The following FCHSD2 variants were observed in gnomAD, a reference collection of about 807,000 sequenced individuals.
FCHSD2 encodes the protein F-BAR and double SH3 domains protein 2.
FCHSD2 carries 38 observed loss-of-function variants against 108.1 expected under a neutral mutation model. The ratio of observed to expected loss-of-function variants is 0.35; its 90% CI spans 0.27 to 0.46. FCHSD2 has a LOEUF of 0.46. Among genes scored for constraint, FCHSD2 ranks in the 20% least tolerant of loss-of-function variants. FCHSD2 has a pLI of 1.00. For missense variants in FCHSD2, 751 were observed against 897.8 expected, an observed-to-expected ratio of 0.84 and a Z score of 2.09; for synonymous variants, 279 against 314.7, an observed-to-expected ratio of 0.89 and a Z score of 1.20.
At chr11:73,036,795 A>T (rs573975765) in intron 3 of FCHSD2, among the ~76,000 whole-genome samples, 77 of 152,318 alleles carry the variant, frequency 5.1e-4, no homozygotes, top group African/African-American at 1.8e-3. Context: ...TATTGTGTTC[A>T]CTCATAATTT....
At chr11:73,031,116 T>C (rs189275882) in intron 3 of FCHSD2, among the ~76,000 whole-genome samples, 103 of 152,186 alleles carry the variant, frequency 6.8e-4, no homozygotes, top group African/African-American at 2.3e-3. Flanking sequence ...ATAAGCCAGA[T>C]AGAAAGAAGA....
chr11:72,889,482 C>A (rs1184008912), intron 11 of FCHSD2, among the ~76,000 whole-genome samples: 2 of 152,044 alleles, frequency 1.3e-5, no homozygotes, highest in Admixed American at 1.3e-4. Context: ...AGAAAAAACA[C>A]ATATAATGCT....
At chr11:73,049,071 C>T (rs1052912358) in intron 3 of FCHSD2, among the ~76,000 whole-genome samples, 2 of 152,108 alleles carry the variant, frequency 1.3e-5, no homozygotes, top group South Asian at 4.1e-4. Flanking sequence ...GTAAAAAGTC[C>T]TGCCATGGGT....
intron 8 of FCHSD2, among the ~76,000 whole-genome samples, chr11:72,964,539 T>C (rs945472890): frequency 6.6e-6 from 1 of 152,166 alleles, no homozygotes; most frequent in Non-Finnish European, 1.5e-5. Context: ...GGCTGTGTTT[T>C]TGTTGCCTTT....
intron 8 of FCHSD2, among the ~76,000 whole-genome samples, chr11:72,968,815 G>A (rs750510192): frequency 6.6e-6 from 1 of 152,082 alleles, no homozygotes; most frequent in South Asian, 2.1e-4. Context: ...TGTACCCAAG[G>A]TTCATCCTTT....
chr11:72,918,231 TTG>T (rs1174244498), intron 9 of FCHSD2, among the ~76,000 whole-genome samples: 1 of 152,194 alleles, frequency 6.6e-6, no homozygotes, highest in Non-Finnish European at 1.5e-5. Context: ...CAACTGATTT[TTG>T]TGTTTTTATC....
intron 8 of FCHSD2, among the ~76,000 whole-genome samples, chr11:72,937,177 T>TTA (rs1856320105): frequency 6.6e-6 from 1 of 152,144 alleles, no homozygotes; most frequent in South Asian, 2.1e-4. Flanking sequence ...ATGAAGGAAC[T>TTA]CTTAAGGCTT....
intron 8 of FCHSD2, among the ~76,000 whole-genome samples, chr11:72,945,665 A>C (rs1565335806): frequency 6.6e-6 from 1 of 152,232 alleles, no homozygotes; most frequent in African/African-American, 2.4e-5. Flanking sequence ...CAAAGGGCTA[A>C]TATCTAGAAT....
Position 72,984,230 on chromosome 11 carries a change from A to C in FCHSD2, c.577-14T>G. On this transcript the variant is annotated splice_polypyrimidine_tract_variant and intron_variant, in intron 7 of 19. Coordinates refer to ENST00000409418, the MANE Select transcript of FCHSD2 (RefSeq NM_014824.3). ...CCGGGCTTTTAACTAAAACATAGCA[A>C]AATAAAATAATCAGTGCAAACTGAT... is the stretch of plus-strand genomic sequence containing the variant. 6.2e-7 allele frequency: 1 copy of C among 1,613,488 alleles called. No individual in the cohort carries two copies. The highest frequency in any genetic ancestry group is 8.5e-7 in the Non-Finnish European group (1 of 1,179,474).
At chr11:73,001,834 G>A (rs992360815) in intron 4 of FCHSD2, among the ~76,000 whole-genome samples, 1 of 152,124 alleles carries the variant, frequency 6.6e-6, no homozygotes, top group Non-Finnish European at 1.5e-5. Context: ...ACCTTTGCTT[G>A]ATAAATGTGC....
chr11:72,854,053 A>G (rs965145454), intron 13 of FCHSD2, among the ~76,000 whole-genome samples: 23 of 152,248 alleles, frequency 1.5e-4, no homozygotes, highest in African/African-American at 5.5e-4. Context: ...GCTGTTATAT[A>G]TATTTTTAAA....
chr11:73,111,294 CA>C (rs2135546053), intron 2 of FCHSD2, among the ~76,000 whole-genome samples: 2 of 152,272 alleles, frequency 1.3e-5, no homozygotes, highest in East Asian at 3.9e-4. Context: ...CTGGGTGCTC[CA>C]GTATTGGGTA....
rs551921054 is a variant in FCHSD2, at chr11:72,976,777, A to G, written c.705+7311T>C. Among the ~76,000 whole-genome samples the G allele has an allele frequency of 7.2e-5, 11 of 152,318 alleles. No homozygotes were observed. In the South Asian group the frequency reaches 2.3e-3, roughly 32 times the overall value. Reference sequence around the variant, plus strand: ...ATCTACAGTGAACTCATTTTCAACAATGGTGCTAAGAACATACACTGGGGG... The same window carrying G: ...ATCTACAGTGAACTCATTTTCAACAGTGGTGCTAAGAACATACACTGGGGG... On this transcript the variant is annotated intron_variant, in intron 8 of 19. Coordinates refer to ENST00000409418, the MANE Select transcript of FCHSD2 (RefSeq NM_014824.3).
At chr11:73,002,161 C>T (rs191029087) in intron 4 of FCHSD2, among the ~76,000 whole-genome samples, 51 of 152,136 alleles carry the variant, frequency 3.4e-4, no homozygotes, top group African/African-American at 1.2e-3. Flanking sequence ...CAACAGATGA[C>T]AGTGTAGAAG....
rs1414967738 is a variant in FCHSD2, at chr11:72,837,575, G to A, written c.*1216C>T. ...CAGACAGTCAGCACCTGACGTGGGGGCACCTGCTGCTGCAGGCTTGCTGGC... is the reference window on the plus strand; with the variant it reads ...CAGACAGTCAGCACCTGACGTGGGGACACCTGCTGCTGCAGGCTTGCTGGC... On this transcript the variant is annotated 3_prime_UTR_variant, in exon 20 of 20. Transcript: ENST00000409418. 1 of 152,182 alleles carries A rather than the reference G, an allele frequency of 6.6e-6. No homozygotes were observed. Among genetic ancestry groups the A allele is most frequent in the Non-Finnish European group, 1.5e-5 (1 of 68,032 alleles). The allele number at this position is 152,182 out of a possible 1,614,324, so 9.4% of individuals were successfully genotyped here. A position where few individuals can be genotyped will look rare whatever the true frequency, so the allele number is the denominator to read the frequency against.
chr11:72,984,476 T>G (rs1857274889), intron 7 of FCHSD2, among the ~76,000 whole-genome samples: 1 of 152,250 alleles, frequency 6.6e-6, no homozygotes, highest in African/African-American at 2.4e-5. Context: ...CTTAAAAATA[T>G]TTTGCCCATT....
chr11:73,023,966 A>C (rs756995663), intron 3 of FCHSD2, among the ~76,000 whole-genome samples: 13 of 152,162 alleles, frequency 8.5e-5, no homozygotes, highest in Non-Finnish European at 1.8e-4. Context: ...TTGATAGAGA[A>C]AACAGATCAG....
Position 73,060,987 on chromosome 11 carries a change from T to C in FCHSD2, c.165+22708A>G, listed in dbSNP as rs114333094. Among the ~76,000 whole-genome samples the C allele has an allele frequency of 7.8e-3, 1,187 of 152,256 alleles. 14 individuals carry two copies. The highest frequency in any genetic ancestry group is 0.027 in the African/African-American group (1,109 of 41,540). The stretch of plus-strand genomic sequence containing the variant: ...GAACTTATATAGAACTGTTGATAAA[T>C]AGAAGCAAAAGAAAACAGGCAAGGA... On this transcript the variant is annotated intron_variant, in intron 3 of 19. Coordinates refer to ENST00000409418, the MANE Select transcript of FCHSD2 (RefSeq NM_014824.3).
chr11:73,081,868 A>G (rs1329729838), intron 3 of FCHSD2, among the ~76,000 whole-genome samples: 1 of 152,208 alleles, frequency 6.6e-6, no homozygotes, highest in Non-Finnish European at 1.5e-5. Flanking sequence ...GATTCAATAA[A>G]TGTCAGCTAT....
Sources: allele counts gnomAD v4.1 joint callset (sites outside exome capture counted in the v4.1 genomes callset), GRCh38; gene constraint gnomAD v4.1.1; transcripts MANE v1.5; gene names NCBI Gene and HGNC (gene_info 2026-07-23, HGNC 2026-07-21).